Variants in DDX1 observed in about 807,000 individuals in gnomAD.
The protein encoded by DDX1 is ATP-dependent RNA helicase DDX1.
DDX1 carries 28 observed loss-of-function variants against 108.7 expected under a neutral mutation model. The observed-to-expected ratio is 0.26, with a 90% CI of 0.19 to 0.35. The LOEUF (loss-of-function observed/expected upper bound fraction) is 0.35, where lower values mean the gene tolerates loss of function less well. Ranked by LOEUF, DDX1 falls within the 10% of genes least tolerant of loss-of-function variation. The pLI, the probability that DDX1 is intolerant of heterozygous loss-of-function variation, is 1.00. For synonymous variants in DDX1, 295 were observed against 288.9 expected (o/e 1.02, Z -0.21); for missense variants, 710 against 884.5 (o/e 0.80, Z 2.50).
chr2:15,612,295 C>CT (rs1313327130), intron 13 of DDX1, among the ~76,000 whole-genome samples: 4 of 149,808 alleles, frequency 2.7e-5, no homozygotes, highest in African/African-American at 9.9e-5. Flanking sequence ...GACGGGGTCG[C>CT]GGCCGGGTAG....
chr2:15,607,930 C>T (rs928143619), intron 13 of DDX1, among the ~76,000 whole-genome samples: 1 of 152,074 alleles, frequency 6.6e-6, no homozygotes, highest in Non-Finnish European at 1.5e-5. Flanking sequence ...GAAAATGTGC[C>T]ACTCTATTTC....
intron 19 of DDX1, among the ~76,000 whole-genome samples, 188 bp downstream of exon 19, chr2:15,623,770 C>T (rs370394871): frequency 6.6e-6 from 1 of 152,062 alleles, no homozygotes; most frequent in Non-Finnish European, 1.5e-5. Context: ...GAATTTTCCA[C>T]GTAGGTACAT....
chr2:15,607,174 G>C lies in DDX1; in HGVS notation c.818-1G>C, dbSNP rs1226037801. On this transcript the variant is annotated splice_acceptor_variant, in intron 12 of 25. Transcript: ENST00000233084. LOFTEE classifies it high-confidence loss of function. ...TGTTCTCATCTTTTTTATTCCCTAA[G>C]GTAATGCACAGGTGACACAAACAAA... 1.2e-6 allele frequency: 2 copies of C among 1,613,596 alleles called. No homozygotes were observed.
intron 13 of DDX1, among the ~76,000 whole-genome samples, chr2:15,608,651 G>GT (rs150518921): frequency 0.25 from 31,796 of 124,978 alleles, 4,790 homozygotes; most frequent in African/African-American, 0.43. Context: ...AAAAGCCTGT[G>GT]TTTTTTTTTA....
At position 15,600,080 on chromosome 2, in the gene DDX1, A is replaced by G. The variant is rs145937587; in HGVS notation, c.307+364A>G. 3.2e-3 allele frequency among the ~76,000 whole-genome samples: 485 copies of G among 152,374 alleles called. 5 individuals are homozygous for G. The highest frequency in any genetic ancestry group is 0.023 in the Admixed American group (345 of 15,306). ...GTATTTAGGACTTAAATATATATGTATGAATTTGAATACAGAAAACTACAT... is the reference window on the plus strand; with the variant it reads ...GTATTTAGGACTTAAATATATATGTGTGAATTTGAATACAGAAAACTACAT... On this transcript the variant is annotated intron_variant, in intron 6 of 25. Transcript: ENST00000233084.
chr2:15,597,552 A>G lies in DDX1; in HGVS notation c.259+81A>G, dbSNP rs1665522115. 11 of 943,522 alleles carry G rather than the reference A, an allele frequency of 1.2e-5. 1 individual carries two copies. In the South Asian group the frequency reaches 1.4e-4, roughly 12 times the overall value. 58.4% of individuals were successfully genotyped at this position (943,522 alleles called of 1,614,324 possible). On this transcript the variant is annotated intron_variant, in intron 5 of 25. Coordinates refer to ENST00000233084, the MANE Select transcript of DDX1 (RefSeq NM_004939.3). ...ACAGTTAGGAAAGTGAGATTTGGGT[A>G]TGCATTTTTAAAATCTTGTCAGTAT... is the stretch of plus-strand genomic sequence containing the variant.
At chr2:15,626,893 G>A (rs954173523) in intron 19 of DDX1, among the ~76,000 whole-genome samples, 161 bp from the exon 20 acceptor site, 3 of 152,134 alleles carry the variant, frequency 2.0e-5, no homozygotes, top group Non-Finnish European at 2.9e-5. Flanking sequence ...ATGGTACTTC[G>A]TTTGTGACAT....
At chr2:15,612,345 G>T (rs1302142140) in intron 13 of DDX1, among the ~76,000 whole-genome samples, 3 of 151,524 alleles carry the variant, frequency 2.0e-5, no homozygotes, top group Non-Finnish European at 4.4e-5. Flanking sequence ...CGGGGCAGAG[G>T]CGCCCCCCAC....
At chr2:15,603,618 C>A (rs573536460) in intron 8 of DDX1, among the ~76,000 whole-genome samples, 196 bp from the exon 9 acceptor site, 35 of 152,314 alleles carry the variant, frequency 2.3e-4, no homozygotes, top group African/African-American at 7.9e-4. Context: ...GATGCAGTAT[C>A]ACTGGTGTCC....
intron 13 of DDX1, among the ~76,000 whole-genome samples, chr2:15,609,914 G>A (rs960548041): frequency 1.3e-5 from 2 of 152,142 alleles, no homozygotes; most frequent in Non-Finnish European, 2.9e-5. Flanking sequence ...AAGAAAAGCA[G>A]CTCCTCCAGG....
At chr2:15,600,798 G>A (rs1242499871) in intron 6 of DDX1, among the ~76,000 whole-genome samples, 1 of 136,866 alleles carries the variant, frequency 7.3e-6, no homozygotes, top group African/African-American at 2.8e-5. Context: ...GCCCAGGCTG[G>A]AGTGCAGTGG....
At chr2:15,596,968 T>C (rs1029255425) in intron 4 of DDX1, among the ~76,000 whole-genome samples, 1 of 152,236 alleles carries the variant, frequency 6.6e-6, no homozygotes, top group Non-Finnish European at 1.5e-5. Flanking sequence ...TAGTTTTAAA[T>C]GGGCGTTAGA....
At chr2:15,603,594 A>C (rs6717251) in intron 8 of DDX1, among the ~76,000 whole-genome samples, 100,774 of 152,094 alleles carry the variant, frequency 0.66, 34,411 homozygotes, top group East Asian at 0.89. Flanking sequence ...TTCTTAGTGG[A>C]CAAAGCAGAG....
chr2:15,617,138 C>A (rs1033290749), intron 14 of DDX1, 106 bp from the exon 15 acceptor site: 4 of 460,882 alleles, frequency 8.7e-6, no homozygotes, highest in East Asian at 3.5e-5. Context: ...TGACTGACTA[C>A]TTCAATATGC....
chr2:15,606,194 T>A lies in DDX1; in HGVS notation c.747T>A (p.Phe249Leu). The change falls in exon 12 of 26, where the codon TTT becomes TTA. Residue 249 changes from phenylalanine (F) to leucine (L), a missense_variant. Around this residue, in one of 3 missense-constraint regions of DDX1, gnomAD observed 661 missense variants for 810.2 expected, o/e 0.82. Transcript: ENST00000233084. ...ACTTCGGTGAAGAGGAATTTAAGTT[T>A]CCACCAAAAGATGGCTTTGTTGCTC... ...KFNFGEEEFK[F>L]PPKDGFVALS... The A allele has an allele frequency of 1.2e-6, 2 of 1,614,142 alleles. No homozygotes were observed. The highest frequency in any genetic ancestry group is 1.7e-6 in the Non-Finnish European group (2 of 1,180,010).
At chr2:15,617,158 T>C (rs943819357) in intron 14 of DDX1, 86 bp from the exon 15 acceptor site, 4 of 584,102 alleles carry the variant, frequency 6.8e-6, no homozygotes, top group Non-Finnish European at 1.2e-5. Context: ...CATGTTTTTA[T>C]TAAAAAGACA....
chr2:15,621,190 T>C (rs1665999534), intron 18 of DDX1, 74 bp downstream of exon 18: 2 of 1,028,978 alleles, frequency 1.9e-6, no homozygotes, highest in South Asian at 1.4e-5. Flanking sequence ...TCATGAAGGA[T>C]GTGAGGTGAC....
intron 20 of DDX1, among the ~76,000 whole-genome samples, chr2:15,627,838 C>T (rs944383732): frequency 1.4e-4 from 21 of 152,178 alleles, no homozygotes; most frequent in African/African-American, 4.6e-4. Context: ...CGCATGGCCT[C>T]GTTTGAATGT....
intron 25 of DDX1, among the ~76,000 whole-genome samples, chr2:15,630,542 G>A (rs758162739): frequency 1.3e-5 from 2 of 152,156 alleles, no homozygotes; most frequent in Non-Finnish European, 2.9e-5. Flanking sequence ...AGTTGTTTCC[G>A]AGCCAAGGGT....
Sources: allele counts gnomAD v4.1 joint callset (sites outside exome capture counted in the v4.1 genomes callset), GRCh38; gene constraint gnomAD v4.1.1; regional missense constraint gnomAD v4.1.1; transcripts MANE v1.5; gene names NCBI Gene and HGNC (gene_info 2026-07-23, HGNC 2026-07-21).